The following WNK1 variants were observed in gnomAD, a reference collection of about 807,000 sequenced individuals.
WNK1 encodes WNK lysine deficient protein kinase 1.
WNK1 carries 38 observed loss-of-function variants against 222.8 expected under a neutral mutation model. That is an observed-to-expected ratio of 0.17 (90% CI 0.13 to 0.22). The LOEUF is 0.22. Among genes scored for constraint, WNK1 ranks in the 10% least tolerant of loss-of-function variants. The pLI is 1.00. For synonymous variants in WNK1, 1,090 were observed against 1,092.9 expected, an observed-to-expected ratio of 1.00 and a Z score of 0.05; for missense variants, 2,348 against 2,918.4, an observed-to-expected ratio of 0.80 and a Z score of 4.50.
At chr12:897,785 A>G in intron 25 of WNK1, 104 bp downstream of exon 25, 1 of 1,266,356 alleles carries the variant, frequency 7.9e-7, no homozygotes, top group South Asian at 1.3e-5. Flanking sequence ...TAAATTTCAA[A>G]GGAATTTGGC....
intron 1 of WNK1, among the ~76,000 whole-genome samples, chr12:755,983 C>G (rs1011972444): frequency 1.3e-5 from 2 of 152,110 alleles, no homozygotes; most frequent in African/African-American, 2.4e-5. Context: ...CAAAAACAAA[C>G]AAAAACAACA....
At position 900,715 on chromosome 12, in the gene WNK1, G is replaced by A. The variant is rs781571273; in HGVS notation, c.6643+45G>A. 1.9e-6 allele frequency: 3 copies of A among 1,611,738 alleles called. No homozygotes were observed. The Admixed American group carries it at 5.0e-5, about 27-fold the overall frequency. ...CGTCCAAAAACAATAAAATGGAGAT[G>A]TTGCCATACCTGGGACAAAAGCCTG... On this transcript the variant is annotated intron_variant, in intron 26 of 27. Coordinates refer to ENST00000315939, the MANE Select transcript of WNK1 (RefSeq NM_018979.4).
In WNK1 at chr12:879,510, T is replaced by G. The variant is rs1021976473; in HGVS notation, c.2374-63T>G. 702 of 1,038,690 alleles carry G rather than the reference T, an allele frequency of 6.8e-4. 3 individuals are homozygous for G. The highest frequency in any genetic ancestry group is 5.6e-4 in the Non-Finnish European group (416 of 741,888). The allele number at this position is 1,038,690 out of a possible 1,614,324, so 64.3% of individuals were successfully genotyped here. ...TACATAAATCTTGCTTTTGGCAGCCTTGCTTTTTTTTTTTTTTTTTTTTTT... is the reference window on the plus strand; with the variant it reads ...TACATAAATCTTGCTTTTGGCAGCCGTGCTTTTTTTTTTTTTTTTTTTTTT... On this transcript the variant is annotated intron_variant, in intron 10 of 27. Transcript: ENST00000315939.
intron 8 of WNK1, among the ~76,000 whole-genome samples, chr12:865,819 T>G (rs1951618960): frequency 6.6e-6 from 1 of 152,018 alleles, no homozygotes; most frequent in Non-Finnish European, 1.5e-5. Context: ...ATAACCTTAG[T>G]CAGCAAAGAA....
chr12:797,788 A>G (rs1249925694), intron 1 of WNK1, among the ~76,000 whole-genome samples: 2 of 151,892 alleles, frequency 1.3e-5, no homozygotes, highest in Admixed American at 6.6e-5. Context: ...CTTTACTGAA[A>G]ATACAAAAAA....
rs929352124 is a variant in WNK1 at position 865,250 on chromosome 12, C to T, written c.2139+2980C>T. 11 of 1,536,084 alleles carry T rather than the reference C, an allele frequency of 7.2e-6. No individual in the cohort carries two copies. Among genetic ancestry groups the T allele is most frequent in the Admixed American group, 3.9e-5 (2 of 50,992 alleles). ...TCTCCTTCCCTCCTCCGGACTGCCC[C>T]GAGGAAACTTTTGCCGAAAAGCTTT... On this transcript the variant is annotated intron_variant, in intron 8 of 27. Transcript: ENST00000315939.
intron 4 of WNK1, among the ~76,000 whole-genome samples, chr12:843,777 T>A (rs1185114013): frequency 2.0e-5 from 3 of 152,164 alleles, no homozygotes; most frequent in Non-Finnish European, 4.4e-5. Context: ...TCAGGGTGCT[T>A]GTATTTAGTG....
Position 753,302 on chromosome 12 carries a change from C to G in WNK1, c.-264C>G. On this transcript the variant is annotated 5_prime_UTR_variant, in exon 1 of 28. Coordinates refer to ENST00000315939, the MANE Select transcript of WNK1 (RefSeq NM_018979.4). This position sits in a 1 kb window ranked among gnomAD's most constrained non-coding sequence, Gnocchi z 5.2. ...TGGATGCGGACCGTGCGGCGCTAAC[C>G]CCCGTGGCTCAGCTCCCGAATCGCC... The G allele has an allele frequency of 1.9e-6, 1 of 540,338 alleles. No homozygotes were observed. Among genetic ancestry groups the G allele is most frequent in the East Asian group, 3.3e-5 (1 of 30,172 alleles). 33.5% of individuals were successfully genotyped at this position (540,338 alleles called of 1,614,324 possible). A position where few individuals can be genotyped will look rare whatever the true frequency, so the allele number is the denominator to read the frequency against.
rs1207769713 is a variant in WNK1, at chr12:794,371, A to G, written c.760-19271A>G. ...GTGACTACCATTTTACATTCTCTAC[A>G]GCAGCGAATGAGGGTTCCAATTTCT... On this transcript the variant is annotated intron_variant, in intron 1 of 27. Transcript: ENST00000315939. Among the ~76,000 whole-genome samples the G allele has an allele frequency of 2.6e-5, 4 of 152,340 alleles. No individual in the cohort carries two copies. The East Asian group carries it at 7.7e-4, about 29-fold the overall frequency.
At chr12:831,977 G>A (rs1438953786) in intron 4 of WNK1, among the ~76,000 whole-genome samples, 5 of 151,932 alleles carry the variant, frequency 3.3e-5, no homozygotes, top group African/African-American at 9.7e-5. Context: ...TTTTAGTGAT[G>A]TAATTTAATT....
At chr12:784,771 A>C (rs958049095) in intron 1 of WNK1, among the ~76,000 whole-genome samples, 1 of 152,138 alleles carries the variant, frequency 6.6e-6, no homozygotes, top group Admixed American at 6.5e-5. Flanking sequence ...TTCTAGGTTG[A>C]TGCTTAGGTT....
intron 1 of WNK1, among the ~76,000 whole-genome samples, chr12:770,376 A>AC (rs1942329872): frequency 6.6e-6 from 1 of 152,204 alleles, no homozygotes; most frequent in African/African-American, 2.4e-5. Flanking sequence ...GGATTTTGAA[A>AC]ATTTAGTATG....
At position 883,463 on chromosome 12, in the gene WNK1, A is replaced by T; in HGVS notation, c.3558A>T (p.Glu1186Asp). 1 of 1,614,178 alleles carries T rather than the reference A, an allele frequency of 6.2e-7. No homozygotes were observed. Among genetic ancestry groups the T allele is most frequent in the Non-Finnish European group, 8.5e-7 (1 of 1,180,016 alleles). ...TGGATCAAGTGCGAGAAATTATTGA[A>T]AAAGCTGATGAAATGCTCAGTGAGG... The part of the protein sequence containing the change: ...SFVDQVREII[E>D]KADEMLSEDV... Residue 1186 changes from glutamate to aspartate, a missense_variant, in exon 16 of 28, where the codon GAA becomes GAT. Glu to Asp is a conservative substitution (Grantham distance 45). This residue lies in a region of WNK1 where 1,144 missense variants were observed against 1,273.6 expected (regional missense o/e 0.90). Transcript: ENST00000315939.
At chr12:808,494 A>G (rs1243026896) in intron 1 of WNK1, among the ~76,000 whole-genome samples, 1 of 151,092 alleles carries the variant, frequency 6.6e-6, no homozygotes, top group Non-Finnish European at 1.5e-5. Flanking sequence ...TAATAGAACT[A>G]AATGTGTTTT....
intron 1 of WNK1, 81 bp downstream of exon 1, chr12:754,405 T>A (rs1939653425): frequency 6.3e-7 from 1 of 1,575,986 alleles, no homozygotes; most frequent in Non-Finnish European, 8.7e-7. Context: ...AGTTCACCCT[T>A]CACTTGGCAT....
intron 1 of WNK1, among the ~76,000 whole-genome samples, chr12:785,587 C>CGG (rs1319516216): frequency 5.3e-5 from 8 of 151,894 alleles, no homozygotes; most frequent in Non-Finnish European, 1.2e-4. Context: ...TTAGTAGAGA[C>CGG]GGGGTTTCAC....
At chr12:819,639 T>A (rs533240040) in intron 2 of WNK1, among the ~76,000 whole-genome samples, 1 of 152,328 alleles carries the variant, frequency 6.6e-6, no homozygotes, top group African/African-American at 2.4e-5. Flanking sequence ...TCCATTGTCA[T>A]AAATAACCAA....
At position 885,147 on chromosome 12, in the gene WNK1, A is replaced by G; in HGVS notation, c.4343A>G (p.Tyr1448Cys). 6.2e-7 allele frequency: 1 copy of G among 1,614,218 alleles called. No individual in the cohort carries two copies. Among genetic ancestry groups the G allele is most frequent in the Non-Finnish European group, 8.5e-7 (1 of 1,180,032 alleles). Residue 1448 changes from tyrosine to cysteine, a missense_variant, in exon 19 of 28, where the codon TAT becomes TGT. Physicochemically the swap from Tyr to Cys is radical, Grantham distance 194. Around this residue, in one of 13 missense-constraint regions of WNK1, gnomAD observed 1,144 missense variants for 1,273.6 expected, o/e 0.90. Transcript: ENST00000315939. The part of the protein sequence containing the change: ...SEIVVSSTAL[Y>C]PSVTVSATSA... ...ATCGTTGTTTCTAGTACAGCACTGT[A>G]TCCTTCAGTAACAGTTTCAGCAACT...
chr12:895,936 G>C, intron 23 of WNK1, 135 bp from the exon 24 acceptor site: 1 of 1,149,710 alleles, frequency 8.7e-7, no homozygotes, highest in African/African-American at 1.5e-5. Context: ...AAAAGTGGAG[G>C]CGCTATGTAA....
Sources: allele counts gnomAD v4.1 joint callset (sites outside exome capture counted in the v4.1 genomes callset), GRCh38; gene constraint gnomAD v4.1.1; regional missense constraint gnomAD v4.1.1; non-coding constraint Gnocchi (gnomAD v3.1); transcripts MANE v1.5; gene names NCBI Gene and HGNC (gene_info 2026-07-23, HGNC 2026-07-21).